The following PC variants were observed in gnomAD, a reference collection of about 807,000 sequenced individuals.
PC encodes pyruvate carboxylase, also known as pyruvate carboxylase, mitochondrial.
A neutral mutation model predicts 107.8 loss-of-function variants in PC; 46 were observed. The observed-to-expected ratio is 0.43, with a 90% CI of 0.34 to 0.55. The LOEUF (loss-of-function observed/expected upper bound fraction) is 0.55. PC is among the 20% of genes least tolerant of loss of function. PC has a pLI of 0.04. For missense variants in PC, 1,241 were observed against 1,643.1 expected (o/e 0.76, Z 4.23); for synonymous variants, 662 against 684.7 (o/e 0.97, Z 0.52).
Position 66,866,186 on chromosome 11 carries a change from C to T in PC, c.1185+1G>A. ...TCTCCCTCTGCTCGAGCTCCGCCCA[C>T]CTCAATGCGGCCGGTGTCCGGCTGG... On this transcript the variant is annotated splice_donor_variant, in intron 11 of 22. Coordinates refer to ENST00000393960, the MANE Select transcript of PC (RefSeq NM_001040716.2). LOFTEE classifies it high-confidence loss of function. The surrounding 1 kb of genome is among the most constrained non-coding windows in gnomAD (Gnocchi z 5.4). The T allele has an allele frequency of 6.2e-7, 1 of 1,607,700 alleles. No homozygotes were observed. Among genetic ancestry groups the T allele is most frequent in the Non-Finnish European group, 8.5e-7 (1 of 1,179,274 alleles).
At chr11:66,952,502 T>A (rs1949462798) in intron 2 of PC, 34 bp from the exon 3 acceptor site, 1 of 152,238 alleles carries the variant, frequency 6.6e-6, no homozygotes, top group African/African-American at 2.4e-5. Flanking sequence ...TTACCCTCAT[T>A]GCTCCAGGAA....
At chr11:66,884,062 T>C (rs930292245) in intron 3 of PC, among the ~76,000 whole-genome samples, 4 of 152,010 alleles carry the variant, frequency 2.6e-5, no homozygotes, top group Non-Finnish European at 4.4e-5. Context: ...CTGACCAACA[T>C]GCAGAAACCC....
chr11:66,936,005 G>C (rs576719874), intron 3 of PC, among the ~76,000 whole-genome samples: 1 of 151,240 alleles, frequency 6.6e-6, no homozygotes, highest in Non-Finnish European at 1.5e-5. Context: ...TTTGAGCCTT[G>C]GAAGTTGAGG....
Position 66,857,686 on chromosome 11 carries a change from GCACCTGCGCCAGCCC to G in PC, c.1369-4318_1369-4304del. 6.6e-7 allele frequency: 1 copy of G among 1,521,344 alleles called. No homozygotes were observed. Among genetic ancestry groups the G allele is most frequent in the African/African-American group, 1.4e-5 (1 of 73,158 alleles). 94.2% of individuals were successfully genotyped at this position (1,521,344 alleles called of 1,614,324 possible). Reference sequence around the variant, plus strand: ...CTGGGACTGTCCTGGGCCCAAGTGGGCACCTGCGCCAGCCCCACCTGTGCCTGGGCTGTGGCCCCT... The same window carrying G: ...CTGGGACTGTCCTGGGCCCAAGTGGGCACCTGTGCCTGGGCTGTGGCCCCT... On this transcript the variant is annotated intron_variant, in intron 12 of 22. Transcript: ENST00000393960. This position sits in a 1 kb window ranked among gnomAD's most constrained non-coding sequence, Gnocchi z 7.1.
chr11:66,857,061 CCCGCCGGCGCGCACCCGCTCGCCTGTCG>C lies in PC; in HGVS notation c.1369-3706_1369-3679del, dbSNP rs1945894604. 6.8e-6 allele frequency: 1 copy of C among 146,746 alleles called. No homozygotes were observed. Among genetic ancestry groups the C allele is most frequent in the Admixed American group, 6.8e-5 (1 of 14,796 alleles). The allele number at this position is 146,746 out of a possible 1,614,324, so 9.1% of individuals were successfully genotyped here. ...CACGTGCGTGTCCGCGGCGCGCGCGCCCGCCGGCGCGCACCCGCTCGCCTGTCGCCGCCGCCACCGCTAACCGCGCCGG... is the reference window on the plus strand; with the variant it reads ...CACGTGCGTGTCCGCGGCGCGCGCGCCCGCCGCCACCGCTAACCGCGCCGG... On this transcript the variant is annotated intron_variant, in intron 12 of 22. Transcript: ENST00000393960. The surrounding 1 kb of genome is among the most constrained non-coding windows in gnomAD (Gnocchi z 7.1).
intron 3 of PC, among the ~76,000 whole-genome samples, chr11:66,898,215 A>G (rs1947826114): frequency 6.6e-6 from 1 of 152,172 alleles, no homozygotes; most frequent in Non-Finnish European, 1.5e-5. Context: ...GGCAGACAGC[A>G]CCTCCACCCG....
intron 12 of PC, chr11:66,859,954 T>C: frequency 1.2e-6 from 2 of 1,600,520 alleles, no homozygotes; most frequent in Non-Finnish European, 1.7e-6. Flanking sequence ...CTCAGCCACG[T>C]CCAGTCCCAG....
chr11:66,909,534 A>G (rs2136067332), intron 3 of PC, among the ~76,000 whole-genome samples: 1 of 152,254 alleles, frequency 6.6e-6, no homozygotes, highest in Middle Eastern at 3.4e-3. Flanking sequence ...ACTGGATTGG[A>G]CCAAAAATGT....
chr11:66,858,648 T>A lies in PC; in HGVS notation c.1368+5126A>T, dbSNP rs1946033423. 1 of 1,540,250 alleles carries A rather than the reference T, an allele frequency of 6.5e-7. No individual in the cohort carries two copies. The highest frequency in any genetic ancestry group is 8.7e-7 in the Non-Finnish European group (1 of 1,143,806). ...GGAAGGCCAGCGGGCCACGCTGCGG[T>A]GCCGGGCCCTGGGTGACCCCGCGCC... is the stretch of plus-strand genomic sequence containing the variant. On this transcript the variant is annotated intron_variant, in intron 12 of 22. Coordinates refer to ENST00000393960, the MANE Select transcript of PC (RefSeq NM_001040716.2). The surrounding 1 kb of genome is among the most constrained non-coding windows in gnomAD (Gnocchi z 5.9).
chr11:66,922,373 G>A (rs1340439072), intron 3 of PC, among the ~76,000 whole-genome samples: 2 of 151,750 alleles, frequency 1.3e-5, no homozygotes, highest in Non-Finnish European at 2.9e-5. Context: ...TCAGCAGTTC[G>A]GGACCAGCTT....
At chr11:66,863,665 G>A (rs1022773920) in intron 12 of PC, 109 bp downstream of exon 12, 4 of 1,185,550 alleles carry the variant, frequency 3.4e-6, no homozygotes, top group African/African-American at 3.0e-5. Context: ...CATCAGTCAG[G>A]GGCAAGGCTG....
Position 66,870,622 on chromosome 11 carries a change from C to T in PC, c.751+153G>A, listed in dbSNP as rs1437166552. On this transcript the variant is annotated intron_variant, in intron 8 of 22. Transcript: ENST00000393960. The surrounding 1 kb of genome is among the most constrained non-coding windows in gnomAD (Gnocchi z 6.1). ...CAAGGCTGTGAGGACCAACTGCCAG[C>T]TCGGCCCCTAGAGCCCACTTTCCAG... 6.6e-6 allele frequency among the ~76,000 whole-genome samples: 1 copy of T among 152,202 alleles called. No homozygotes were observed. Among genetic ancestry groups the T allele is most frequent in the South Asian group, 2.1e-4 (1 of 4,836 alleles).
chr11:66,903,906 C>T (rs1948067337), intron 3 of PC, among the ~76,000 whole-genome samples: 1 of 148,524 alleles, frequency 6.7e-6, no homozygotes, highest in Non-Finnish European at 1.5e-5. Flanking sequence ...CAGCTCACTG[C>T]AACCTCCGCC....
In PC at chr11:66,857,044, TGTCCGCGGCGCGCGC is replaced by T. The variant is rs1945890778; in HGVS notation, c.1369-3676_1369-3662del. ...CCTCCCCGTCCGCCCTCCACGTGCG[TGTCCGCGGCGCGCGC>T]GCCCGCCGGCGCGCACCCGCTCGCC... On this transcript the variant is annotated intron_variant, in intron 12 of 22. Coordinates refer to ENST00000393960, the MANE Select transcript of PC (RefSeq NM_001040716.2). The surrounding 1 kb of genome is among the most constrained non-coding windows in gnomAD (Gnocchi z 7.1). 1 of 145,658 alleles carries T rather than the reference TGTCCGCGGCGCGCGC, an allele frequency of 6.9e-6. No homozygotes were observed. The highest frequency in any genetic ancestry group is 3.3e-3 in the Middle Eastern group (1 of 302). The allele number at this position is 145,658 out of a possible 1,614,324, so 9.0% of individuals were successfully genotyped here.
intron 3 of PC, among the ~76,000 whole-genome samples, chr11:66,930,001 G>T (rs1948807985): frequency 6.6e-6 from 1 of 151,832 alleles, no homozygotes; most frequent in Non-Finnish European, 1.5e-5. Flanking sequence ...CAGAAGCACG[G>T]CCCAGAGCCC....
chr11:66,920,162 G>A (rs896992409), intron 3 of PC, among the ~76,000 whole-genome samples: 8 of 152,200 alleles, frequency 5.3e-5, no homozygotes, highest in Admixed American at 2.0e-4. Context: ...CAGAGGAGGG[G>A]AGGAGGGGAA....
intron 3 of PC, among the ~76,000 whole-genome samples, chr11:66,948,653 A>G (rs1217399550): frequency 6.6e-6 from 1 of 152,176 alleles, no homozygotes; most frequent in African/African-American, 2.4e-5. Flanking sequence ...GAGCCTGGGC[A>G]ATGTGGTGAA....
chr11:66,957,730 C>G (rs1199601727), intron 1 of PC: 1 of 152,274 alleles, frequency 6.6e-6, no homozygotes, highest in Admixed American at 6.5e-5. Flanking sequence ...GGGGCTGAGC[C>G]CAGCCCCACC....
chr11:66,883,334 C>A (rs576125098), intron 3 of PC, among the ~76,000 whole-genome samples: 46 of 152,232 alleles, frequency 3.0e-4, no homozygotes, highest in Non-Finnish European at 5.7e-4. Flanking sequence ...AGGGCCAACA[C>A]TGCCCCCTGG....
Sources: gnomAD v4.1 joint callset for allele counts (sites outside exome capture counted in the v4.1 genomes callset) on GRCh38, gnomAD v4.1.1 for gene constraint, Gnocchi (gnomAD v3.1) non-coding constraint, MANE v1.5 for transcripts, NCBI Gene and HGNC (gene_info 2026-07-23, HGNC 2026-07-21) for gene names.